Variants in ABCC11 observed in about 807,000 individuals in gnomAD.
ABCC11 encodes the protein ATP binding cassette subfamily C member 11, also known as ATP-binding cassette sub-family C member 11.
Under a neutral mutation model 149.3 loss-of-function variants are expected in ABCC11, and 135 were observed. That is an observed-to-expected ratio of 0.90 (90% confidence interval 0.79 to 1.04). The LOEUF is 1.04. Ranked by LOEUF, ABCC11 falls within the 50% of genes least tolerant of loss-of-function variation. ABCC11 has a pLI of 0.00. For missense variants in ABCC11, 1,680 were observed against 1,722.1 expected (o/e 0.98, Z 0.43); for synonymous variants, 665 against 671.4 (o/e 0.99, Z 0.15).
intron 23 of ABCC11, among the ~76,000 whole-genome samples, chr16:48,180,999 C>T (rs900673685): frequency 6.6e-6 from 1 of 152,216 alleles, no homozygotes; most frequent in Admixed American, 6.5e-5. Flanking sequence ...GGTGCAACAA[C>T]CTTTGAGCAA....
chr16:48,237,781 A>T (rs1039235974), intron 1 of ABCC11, among the ~76,000 whole-genome samples: 6 of 152,070 alleles, frequency 3.9e-5, no homozygotes, highest in African/African-American at 1.4e-4. Flanking sequence ...AACACCCTAA[A>T]TTCATTCTAG....
chr16:48,190,287 G>A (rs1321620670), intron 20 of ABCC11, among the ~76,000 whole-genome samples: 1 of 152,028 alleles, frequency 6.6e-6, no homozygotes, highest in Non-Finnish European at 1.5e-5. Flanking sequence ...TGCAGAACCT[G>A]GCACATAGTA....
At chr16:48,194,725 G>C (rs866152879) in intron 18 of ABCC11, among the ~76,000 whole-genome samples, 17 of 152,184 alleles carry the variant, frequency 1.1e-4, no homozygotes, top group Non-Finnish European at 1.8e-4. Context: ...CCCCTCCAGG[G>C]ATGGAGGACA....
In ABCC11 at chr16:48,246,329, A is replaced by G. The variant is rs370728161; in HGVS notation, c.-19+985T>C. Among the ~76,000 whole-genome samples the G allele has an allele frequency of 4.6e-5, 7 of 152,274 alleles. No homozygotes were observed. In the South Asian group the frequency reaches 6.2e-4, roughly 14 times the overall value. On this transcript the variant is annotated intron_variant, in intron 1 of 29. Transcript: ENST00000356608. ...AATTGTATTGGATTCTAGTTTCCCA[A>G]CATACGACTCTGCTCCTTCTGCTTA...
intron 11 of ABCC11, among the ~76,000 whole-genome samples, chr16:48,208,891 C>A (rs1208872386): frequency 6.6e-6 from 1 of 152,170 alleles, no homozygotes; most frequent in South Asian, 2.1e-4. Flanking sequence ...TGCATGCATT[C>A]ATTTATTGAA....
chr16:48,229,656 G>A (rs969271393), intron 3 of ABCC11, among the ~76,000 whole-genome samples: 8 of 151,326 alleles, frequency 5.3e-5, no homozygotes, highest in African/African-American at 2.0e-4. Flanking sequence ...AGTAGAGACG[G>A]GGTTTCACCT....
rs562208998 is a variant in ABCC11 at position 48,216,218 on chromosome 16, T to A, written c.847A>T (p.Ile283Phe). 8 of 1,614,118 alleles carry A rather than the reference T, an allele frequency of 5.0e-6. No homozygotes were observed. Among genetic ancestry groups the A allele is most frequent in the South Asian group, 2.2e-5 (2 of 91,084 alleles). Residue 283 changes from isoleucine (I) to phenylalanine (F), a missense_variant, in exon 7 of 30, where the codon ATC becomes TTC. Ile to Phe is a conservative substitution (Grantham distance 21, BLOSUM62 0). Coordinates refer to ENST00000356608, the MANE Select transcript of ABCC11 (RefSeq NM_001370497.1). ...CAGATGACCAGCGATGCGCAGGTGA[T>A]CAGTACTAGGGGTCCATAGCACACC... ...EGVCYGPLVL[I>F]TCASLVICSI...
intron 9 of ABCC11, 39 bp from the exon 10 acceptor site, chr16:48,213,589 C>A: frequency 6.6e-7 from 1 of 1,509,044 alleles, no homozygotes; most frequent in Non-Finnish European, 9.0e-7. Flanking sequence ...GGTCGTGGCC[C>A]TTCCTGCTTC....
chr16:48,172,202 CCTT>C lies in ABCC11; in HGVS notation c.3699-1238_3699-1236del, dbSNP rs1463459448. 3.3e-5 allele frequency among the ~76,000 whole-genome samples: 5 copies of C among 152,248 alleles called. No homozygotes were observed. In the South Asian group the frequency reaches 6.2e-4, roughly 19 times the overall value. The stretch of plus-strand genomic sequence containing the variant: ...TCCATATTGTAGCATGTAACATTTC[CCTT>C]CTTTTTAGAGCTGCATAATATTCCA... On this transcript the variant is annotated intron_variant, in intron 26 of 29. Coordinates refer to ENST00000356608, the MANE Select transcript of ABCC11 (RefSeq NM_001370497.1).
intron 22 of ABCC11, among the ~76,000 whole-genome samples, chr16:48,185,339 T>C (rs183464843): frequency 9.8e-5 from 15 of 152,364 alleles, no homozygotes; most frequent in Non-Finnish European, 1.9e-4. Flanking sequence ...TATTTTGCCA[T>C]ATTTAAGTCA....
At chr16:48,198,724 T>C (rs767899432) in intron 15 of ABCC11, among the ~76,000 whole-genome samples, 19 of 151,762 alleles carry the variant, frequency 1.3e-4, no homozygotes, top group South Asian at 8.3e-4. Context: ...GATATTGGAA[T>C]GCTATACCAA....
chr16:48,203,357 T>G, intron 13 of ABCC11, 57 bp from the exon 14 acceptor site: 1 of 1,457,622 alleles, frequency 6.9e-7, no homozygotes, highest in Non-Finnish European at 9.4e-7. Flanking sequence ...CCCATCACCC[T>G]TCCCAGTGTC....
intron 28 of ABCC11, among the ~76,000 whole-genome samples, chr16:48,168,559 T>C (rs1965487598): frequency 6.6e-6 from 1 of 152,200 alleles, no homozygotes. Context: ...TAAGTATGTG[T>C]GTACATGTGT....
At chr16:48,218,971 A>G (rs1969538529) in intron 6 of ABCC11, among the ~76,000 whole-genome samples, 1 of 152,200 alleles carries the variant, frequency 6.6e-6, no homozygotes, top group South Asian at 2.1e-4. Flanking sequence ...AGGGAAAGCT[A>G]CAAAGCAACA....
chr16:48,170,807 C>T (rs994473294), intron 27 of ABCC11, 82 bp downstream of exon 27: 94 of 1,302,008 alleles, frequency 7.2e-5, no homozygotes, highest in Non-Finnish European at 6.5e-5. Flanking sequence ...AGCTGGAACA[C>T]CACATGAGAG....
Position 48,175,255 on chromosome 16 carries a change from C to G in ABCC11, c.3698+3G>C, listed in dbSNP as rs1965973582. ...GCAGGCTGCCTGCTGGCCCGGCACTCACCTGATGGTTCCTGAGAGCAGCAC... is the reference window on the plus strand; with the variant it reads ...GCAGGCTGCCTGCTGGCCCGGCACTGACCTGATGGTTCCTGAGAGCAGCAC... On this transcript the variant is annotated splice_donor_region_variant and intron_variant, in intron 26 of 29. Transcript: ENST00000356608. The G allele has an allele frequency of 6.2e-7, 1 of 1,606,510 alleles. No individual in the cohort carries two copies. The highest frequency in any genetic ancestry group is 1.1e-5 in the South Asian group (1 of 90,912).
intron 4 of ABCC11, among the ~76,000 whole-genome samples, chr16:48,227,040 A>T (rs73546439): frequency 1.3e-5 from 2 of 152,134 alleles, no homozygotes; most frequent in Non-Finnish European, 2.9e-5. Context: ...GGTGGGTGGT[A>T]CAAGAAATTT....
chr16:48,189,252 G>A (rs558390933), intron 20 of ABCC11, among the ~76,000 whole-genome samples: 64 of 152,334 alleles, frequency 4.2e-4, no homozygotes, highest in African/African-American at 1.5e-3. Context: ...CAGGGTTGTG[G>A]AGGGGACACA....
chr16:48,186,588 G>A (rs534830527), intron 22 of ABCC11, among the ~76,000 whole-genome samples: 21 of 152,230 alleles, frequency 1.4e-4, no homozygotes, highest in African/African-American at 4.8e-4. Context: ...GAAAGCTATT[G>A]TTCCTCATTA....
Sources: allele counts gnomAD v4.1 joint callset (sites outside exome capture counted in the v4.1 genomes callset), GRCh38; gene constraint gnomAD v4.1.1; transcripts MANE v1.5; gene names NCBI Gene and HGNC (gene_info 2026-07-23, HGNC 2026-07-21).